GRIK4: variants seen among roughly 807,000 people sequenced by gnomAD.
The protein encoded by GRIK4 is glutamate receptor ionotropic, kainate 4.
In GRIK4, 40 loss-of-function variants were observed where a neutral mutation model predicts 104.9. The ratio of observed to expected loss-of-function variants is 0.38; its 90% confidence interval spans 0.30 to 0.50. GRIK4 has a LOEUF of 0.50. Ranked by LOEUF, GRIK4 falls within the 20% of genes least tolerant of loss-of-function variation. The pLI, the probability that GRIK4 is intolerant of heterozygous loss-of-function variation, is 0.93. For missense variants in GRIK4, 1,047 were observed against 1,308.1 expected (o/e 0.80, Z 3.08); for synonymous variants, 485 against 524.9 (o/e 0.92, Z 1.04).
chr11:120,655,622 G>A (rs1206165840), intron 2 of GRIK4, among the ~76,000 whole-genome samples: 1 of 152,240 alleles, frequency 6.6e-6, no homozygotes, highest in Non-Finnish European at 1.5e-5. Flanking sequence ...AGATGGTATT[G>A]CAGAGATCCA....
intron 13 of GRIK4, among the ~76,000 whole-genome samples, chr11:120,918,537 C>T (rs114855686): frequency 0.024 from 3,603 of 152,222 alleles, 125 homozygotes; most frequent in African/African-American, 0.083. Flanking sequence ...GAAACCCAGC[C>T]CTCACTCTGC....
At chr11:120,536,344 G>A (rs182069181) in intron 1 of GRIK4, among the ~76,000 whole-genome samples, 9 of 152,254 alleles carry the variant, frequency 5.9e-5, no homozygotes, top group African/African-American at 1.9e-4. Context: ...AAAGCTTTCC[G>A]AGTCTATGTG....
intron 3 of GRIK4, among the ~76,000 whole-genome samples, chr11:120,800,721 CTT>C (rs1231292894): frequency 6.6e-6 from 1 of 152,160 alleles, no homozygotes; most frequent in Non-Finnish European, 1.5e-5. Flanking sequence ...GGAAGAAATG[CTT>C]TGCAATATTC....
At chr11:120,833,586 G>A (rs180899665) in intron 7 of GRIK4, among the ~76,000 whole-genome samples, 3 of 152,244 alleles carry the variant, frequency 2.0e-5, no homozygotes, top group East Asian at 3.9e-4. Context: ...AGAAGCTTCT[G>A]GGGGCCAGCC....
At chr11:120,644,257 A>G (rs915062975) in intron 1 of GRIK4, among the ~76,000 whole-genome samples, 4 of 152,202 alleles carry the variant, frequency 2.6e-5, no homozygotes, top group Non-Finnish European at 5.9e-5. Flanking sequence ...AGCAGTGAGG[A>G]AAATGCTCTT....
At chr11:120,803,170 C>A (rs1452804673) in intron 4 of GRIK4, among the ~76,000 whole-genome samples, 1 of 152,184 alleles carries the variant, frequency 6.6e-6, no homozygotes, top group Non-Finnish European at 1.5e-5. Flanking sequence ...TGAATGAAAT[C>A]TCGTGTGTGA....
chr11:120,543,506 C>T (rs1483150659), intron 1 of GRIK4, among the ~76,000 whole-genome samples: 1 of 152,078 alleles, frequency 6.6e-6, no homozygotes, highest in East Asian at 1.9e-4. Context: ...ACCCGGGAGG[C>T]GGATGTTGCA....
rs200855531 is a variant in GRIK4 at position 120,956,739 on chromosome 11, C to G, written c.1701-41C>G. On this transcript the variant is annotated intron_variant, in intron 15 of 20. Transcript: ENST00000527524. The surrounding 1 kb of genome is among the most constrained non-coding windows in gnomAD (Gnocchi z 4.6). ...GAGCCTGCCTGTGTCCCTTCACACCCCGCCTCTGTGGCACTAGTGTATGTT... is the reference window on the plus strand; with the variant it reads ...GAGCCTGCCTGTGTCCCTTCACACCGCGCCTCTGTGGCACTAGTGTATGTT... The G allele has an allele frequency of 1.3e-4, 190 of 1,440,992 alleles. 1 individual carries two copies. In the African/African-American group the frequency reaches 1.9e-3, roughly 14 times the overall value. The allele number at this position is 1,440,992 out of a possible 1,614,324, so 89.3% of individuals were successfully genotyped here.
chr11:120,715,302 G>A (rs1303166461), intron 3 of GRIK4, among the ~76,000 whole-genome samples: 2 of 152,196 alleles, frequency 1.3e-5, no homozygotes, highest in Non-Finnish European at 2.9e-5. Context: ...CAAGAAAGTC[G>A]ACCCTGCAAT....
intron 3 of GRIK4, among the ~76,000 whole-genome samples, chr11:120,789,173 C>T (rs147073839): frequency 3.9e-5 from 6 of 152,260 alleles, no homozygotes; most frequent in African/African-American, 1.2e-4. Context: ...GTGTCTCCAG[C>T]CTGGATCATT....
At chr11:120,739,751 T>G (rs1951293179) in intron 3 of GRIK4, among the ~76,000 whole-genome samples, 2 of 152,228 alleles carry the variant, frequency 1.3e-5, no homozygotes. Flanking sequence ...CTTTCTGTCC[T>G]CAGGTGACGA....
rs57994475 is a variant in GRIK4, at chr11:120,703,958, A to T, written c.82+43558A>T. Among the ~76,000 whole-genome samples the T allele has an allele frequency of 1.8e-3, 279 of 152,308 alleles. 5 individuals carry two copies. The East Asian group carries it at 0.044, about 24-fold the overall frequency. On this transcript the variant is annotated intron_variant, in intron 3 of 20. Transcript: ENST00000527524. The stretch of plus-strand genomic sequence containing the variant: ...GTGGGACCTCAACAGATGTCTGTTT[A>T]ATAACTGAATGGCTAAACTTAGAAC...
intron 19 of GRIK4, among the ~76,000 whole-genome samples, chr11:120,971,078 A>G (rs957721090): frequency 1.3e-5 from 2 of 152,224 alleles, no homozygotes; most frequent in African/African-American, 4.8e-5. Context: ...AGTTTATGGC[A>G]ACGAATTTTA....
At chr11:120,717,991 A>G (rs1950865804) in intron 3 of GRIK4, among the ~76,000 whole-genome samples, 1 of 152,184 alleles carries the variant, frequency 6.6e-6, no homozygotes, top group Admixed American at 6.5e-5. Flanking sequence ...AGGGCTTGAA[A>G]AGATTCCGAA....
chr11:120,865,738 T>C lies in GRIK4; in HGVS notation c.906+3618T>C, dbSNP rs144497924. ...AAATGCAAAGGCACATGGTAAAAAGTCTGAATACCCGAATACAGAGTGTGT... is the reference window on the plus strand; with the variant it reads ...AAATGCAAAGGCACATGGTAAAAAGCCTGAATACCCGAATACAGAGTGTGT... On this transcript the variant is annotated intron_variant, in intron 9 of 20. Transcript: ENST00000527524. 1.3e-4 allele frequency among the ~76,000 whole-genome samples: 20 copies of C among 152,310 alleles called. No individual in the cohort carries two copies. The East Asian group carries it at 3.9e-3, about 29-fold the overall frequency.
intron 3 of GRIK4, among the ~76,000 whole-genome samples, chr11:120,676,005 G>T (rs1472589357): frequency 1.3e-5 from 2 of 152,196 alleles, no homozygotes; most frequent in Non-Finnish European, 2.9e-5. Flanking sequence ...TTGCATTCCT[G>T]TCTGAAGGCT....
chr11:120,921,569 G>A (rs1228990679), intron 13 of GRIK4, among the ~76,000 whole-genome samples: 8 of 150,852 alleles, frequency 5.3e-5, no homozygotes, highest in South Asian at 2.1e-4. Context: ...CTGCCCTCCC[G>A]CTTGCGCGCA....
In GRIK4 at chr11:120,634,297, T is replaced by C. The variant is rs1949368767; in HGVS notation, c.-158-19388T>C. ...GTTGAACATGACAGCTAACGTGTGC[T>C]GAGACCCTACTCAGTGCCAGGGCTA... On this transcript the variant is annotated intron_variant, in intron 1 of 20. Coordinates refer to ENST00000527524, the MANE Select transcript of GRIK4 (RefSeq NM_014619.5). Among the ~76,000 whole-genome samples, 4 of 152,158 alleles carry C rather than the reference T, an allele frequency of 2.6e-5. No individual in the cohort carries two copies. The South Asian group carries it at 8.3e-4, about 32-fold the overall frequency.
chr11:120,593,924 C>T (rs751815410), intron 1 of GRIK4, among the ~76,000 whole-genome samples: 3 of 152,136 alleles, frequency 2.0e-5, no homozygotes, highest in Non-Finnish European at 4.4e-5. Context: ...CAAGTCCTGC[C>T]AATTTACCTC....
Sources: allele counts gnomAD v4.1 joint callset (sites outside exome capture counted in the v4.1 genomes callset), GRCh38; gene constraint gnomAD v4.1.1; non-coding constraint Gnocchi (gnomAD v3.1); transcripts MANE v1.5; gene names NCBI Gene and HGNC (gene_info 2026-07-23, HGNC 2026-07-21).